Variants in FSIP1 observed in about 807,000 individuals in gnomAD.
FSIP1 encodes the protein fibrous sheath interacting protein 1, also known as fibrous sheath-interacting protein 1.
FSIP1 carries 65 observed loss-of-function variants against 60.9 expected under a neutral mutation model. That is an observed-to-expected ratio of 1.07 (90% CI 0.87 to 1.31). The LOEUF is 1.31. Among genes scored for constraint, FSIP1 ranks in the 40% most tolerant of loss-of-function variants. FSIP1 has a pLI of 0.00. For missense variants in FSIP1, 675 were observed against 665.5 expected, an observed-to-expected ratio of 1.01 and a Z score of -0.16; for synonymous variants, 209 against 221.2, an observed-to-expected ratio of 0.94 and a Z score of 0.49.
intron 10 of FSIP1, among the ~76,000 whole-genome samples, chr15:39,691,874 G>GTAGA (rs370080204): frequency 3.6e-4 from 55 of 152,084 alleles, no homozygotes; most frequent in African/African-American, 1.2e-3. Flanking sequence ...CTGTGAGGGG[G>GTAGA]TAGATAGATA....
At chr15:39,641,429 T>C (rs17706897) in intron 10 of FSIP1, among the ~76,000 whole-genome samples, 33,035 of 152,106 alleles carry the variant, frequency 0.22, 4,650 homozygotes, top group Non-Finnish European at 0.31. Context: ...TGGATGCCTG[T>C]CATTTGCCTC....
At chr15:39,689,033 G>C (rs1345492867) in intron 10 of FSIP1, among the ~76,000 whole-genome samples, 1 of 152,080 alleles carries the variant, frequency 6.6e-6, no homozygotes, top group Non-Finnish European at 1.5e-5. Flanking sequence ...CTCTGACCTG[G>C]ACTCTCTGAC....
chr15:39,731,580 C>T (rs1022443322), intron 8 of FSIP1, among the ~76,000 whole-genome samples: 1 of 152,096 alleles, frequency 6.6e-6, no homozygotes, highest in African/African-American at 2.4e-5. Context: ...TGCACTATGC[C>T]GTTACAGAAA....
chr15:39,737,960 G>GT (rs1030316562), intron 8 of FSIP1, 131 bp downstream of exon 8: 71 of 576,858 alleles, frequency 1.2e-4, no homozygotes, highest in African/African-American at 1.1e-3. Context: ...GTAAAACAGG[G>GT]TTTTTTTAAA....
intron 2 of FSIP1, among the ~76,000 whole-genome samples, chr15:39,772,577 G>A (rs1010159976): frequency 3.3e-5 from 5 of 150,926 alleles, no homozygotes; most frequent in African/African-American, 1.2e-4. Context: ...TTACAGATGT[G>A]AGCCACCGTG....
chr15:39,672,036 A>G (rs1893741080), intron 10 of FSIP1, among the ~76,000 whole-genome samples: 1 of 152,202 alleles, frequency 6.6e-6, no homozygotes, highest in African/African-American at 2.4e-5. Flanking sequence ...ATAGGAAGAG[A>G]TAAAGACCTG....
At chr15:39,782,149 G>T (rs1898290190) in intron 1 of FSIP1, among the ~76,000 whole-genome samples, 1 of 152,192 alleles carries the variant, frequency 6.6e-6, no homozygotes, top group African/African-American at 2.4e-5. Flanking sequence ...ACTGGGCTGG[G>T]GCCCATCTGG....
chr15:39,708,480 T>C lies in FSIP1; in HGVS notation c.1188+4964A>G, dbSNP rs181169281. On this transcript the variant is annotated intron_variant, in intron 10 of 11. Transcript: ENST00000350221. ...TTTGGCTTCCCAATCACCATGCATT[T>C]TCCTCCTCCACTATAAAGAATCAAA... is the stretch of plus-strand genomic sequence containing the variant. Among the ~76,000 whole-genome samples, 192 of 152,326 alleles carry C rather than the reference T, an allele frequency of 1.3e-3. 1 individual carries two copies. The highest frequency in any genetic ancestry group is 4.2e-3 in the African/African-American group (173 of 41,578).
intron 5 of FSIP1, among the ~76,000 whole-genome samples, chr15:39,760,417 C>T (rs1199420025): frequency 6.6e-6 from 1 of 152,120 alleles, no homozygotes; most frequent in Non-Finnish European, 1.5e-5. Flanking sequence ...CAGACACCAT[C>T]TTAACAAAGT....
intron 10 of FSIP1, among the ~76,000 whole-genome samples, chr15:39,673,961 T>TAA (rs935505362): frequency 6.6e-6 from 1 of 152,000 alleles, no homozygotes; most frequent in Non-Finnish European, 1.5e-5. Flanking sequence ...AATAGATTCA[T>TAA]AAAAGCATTT....
intron 10 of FSIP1, among the ~76,000 whole-genome samples, chr15:39,706,805 C>G (rs577541583): frequency 2.2e-4 from 34 of 152,304 alleles, no homozygotes; most frequent in African/African-American, 7.5e-4. Context: ...TGTTCCAGGA[C>G]TTTCCTATGT....
intron 5 of FSIP1, among the ~76,000 whole-genome samples, chr15:39,759,590 T>C (rs1009082260): frequency 6.6e-6 from 1 of 152,196 alleles, no homozygotes; most frequent in Admixed American, 6.5e-5. Flanking sequence ...CCATTTTCTA[T>C]AGCGGCCCTA....
chr15:39,663,089 G>A (rs1371599183), intron 10 of FSIP1, among the ~76,000 whole-genome samples: 1 of 152,082 alleles, frequency 6.6e-6, no homozygotes, highest in Non-Finnish European at 1.5e-5. Flanking sequence ...GATTCATAAT[G>A]TGCAAAATAA....
At chr15:39,727,012 T>G (rs1896226891) in intron 8 of FSIP1, among the ~76,000 whole-genome samples, 1 of 152,240 alleles carries the variant, frequency 6.6e-6, no homozygotes, top group Admixed American at 6.5e-5. Context: ...TCTTTTAGTT[T>G]CACAGTCTGG....
chr15:39,618,294 C>T (rs760176354), intron 10 of FSIP1, 49 bp from the exon 11 acceptor site: 47 of 1,481,544 alleles, frequency 3.2e-5, no homozygotes, highest in Non-Finnish European at 4.0e-5. Context: ...TGAGTAAACA[C>T]ATTTATTTTT....
chr15:39,612,657 A>G (rs2140372301), intron 11 of FSIP1, among the ~76,000 whole-genome samples: 1 of 152,214 alleles, frequency 6.6e-6, no homozygotes, highest in Admixed American at 6.5e-5. Context: ...CAAAATAAAC[A>G]AAATGGAGAC....
chr15:39,751,907 A>C (rs969404827), intron 5 of FSIP1, among the ~76,000 whole-genome samples: 2 of 151,968 alleles, frequency 1.3e-5, no homozygotes, highest in Non-Finnish European at 2.9e-5. Context: ...TTTACCATAT[A>C]TATTTATAGA....
chr15:39,639,447 G>A (rs1345383513), intron 10 of FSIP1, among the ~76,000 whole-genome samples: 2 of 152,136 alleles, frequency 1.3e-5, no homozygotes, highest in African/African-American at 2.4e-5. Context: ...AGTTCAAGGC[G>A]ATAAAAGCAG....
At chr15:39,689,388 C>G (rs1202263710) in intron 10 of FSIP1, among the ~76,000 whole-genome samples, 2 of 152,148 alleles carry the variant, frequency 1.3e-5, no homozygotes, top group Non-Finnish European at 2.9e-5. Context: ...TCCAGACCCT[C>G]TCCCCTCCCT....
Sources: allele counts gnomAD v4.1 joint callset (sites outside exome capture counted in the v4.1 genomes callset), GRCh38; gene constraint gnomAD v4.1.1; transcripts MANE v1.5; gene names NCBI Gene and HGNC (gene_info 2026-07-23, HGNC 2026-07-21).